Variants in NUTM2F observed in about 807,000 individuals in gnomAD.
NUTM2F encodes family with sequence similarity 22, member F.
A neutral mutation model predicts 43.3 loss-of-function variants in NUTM2F; 22 were observed. The observed-to-expected ratio is 0.51, with a 90% CI of 0.36 to 0.73. The LOEUF (loss-of-function observed/expected upper bound fraction) is 0.73. Among genes scored for constraint, NUTM2F ranks in the 30% least tolerant of loss-of-function variants. NUTM2F has a pLI of 0.00. For synonymous variants in NUTM2F, 202 were observed against 389.0 expected (o/e 0.52, Z 5.66); for missense variants, 488 against 927.4 (o/e 0.53, Z 6.15).
chr9:94,322,516 G>A (rs1831390420), intron 2 of NUTM2F, among the ~76,000 whole-genome samples, 187 bp from the exon 3 acceptor site: 1 of 152,202 alleles, frequency 6.6e-6, no homozygotes, highest in Admixed American at 6.5e-5. Flanking sequence ...AGAAGCCACT[G>A]AGTGGCCTCT....
intron 2 of NUTM2F, among the ~76,000 whole-genome samples, chr9:94,324,828 G>A (rs905487047): frequency 4.0e-5 from 6 of 150,576 alleles, no homozygotes; most frequent in African/African-American, 7.4e-5. Context: ...CCATCTCTAC[G>A]AATACAAAAT....
At chr9:94,323,848 G>A (rs1399831020) in intron 2 of NUTM2F, among the ~76,000 whole-genome samples, 4 of 152,116 alleles carry the variant, frequency 2.6e-5, no homozygotes, top group Non-Finnish European at 2.9e-5. Context: ...TAACTGGACC[G>A]CGGCAGAACA....
intron 2 of NUTM2F, among the ~76,000 whole-genome samples, 176 bp from the exon 3 acceptor site, chr9:94,322,505 T>C (rs537760069): frequency 1.2e-4 from 18 of 152,282 alleles, no homozygotes; most frequent in East Asian, 5.8e-4. Flanking sequence ...CCAACATCAA[T>C]AGAAGCCACT....
intron 2 of NUTM2F, among the ~76,000 whole-genome samples, chr9:94,323,857 C>T (rs1188758615): frequency 6.6e-6 from 1 of 150,614 alleles, no homozygotes; most frequent in African/African-American, 2.5e-5. Flanking sequence ...CGCGGCAGAA[C>T]AGTGTGGGTG....
Position 94,320,169 on chromosome 9 carries a change from CT to C in NUTM2F, c.1368+38del. The C allele has an allele frequency of 6.3e-7, 1 of 1,591,592 alleles. No individual in the cohort carries two copies. On this transcript the variant is annotated intron_variant, in intron 5 of 6. Coordinates refer to ENST00000253262, the MANE Select transcript of NUTM2F (RefSeq NM_017561.2). This position sits in a 1 kb window ranked among gnomAD's most constrained non-coding sequence, Gnocchi z 4.5. ...TCCAAGGACCTGGAAGTGCCACCCC[CT>C]GGAATCCTACAGACCACAGCACTCC... is the stretch of plus-strand genomic sequence containing the variant.
intron 2 of NUTM2F, among the ~76,000 whole-genome samples, chr9:94,323,722 A>G (rs1472553275): frequency 6.6e-6 from 1 of 152,152 alleles, no homozygotes; most frequent in Admixed American, 6.5e-5. Context: ...TGAATGAAAC[A>G]CCATTGTCCT....
At chr9:94,327,386 G>A (rs983982349) in intron 1 of NUTM2F, among the ~76,000 whole-genome samples, 8 of 149,454 alleles carry the variant, frequency 5.4e-5, no homozygotes, top group Non-Finnish European at 8.9e-5. Flanking sequence ...ACAGGCGTGA[G>A]CCACCGCGCC....
intron 5 of NUTM2F, among the ~76,000 whole-genome samples, chr9:94,319,969 C>T (rs1275344153): frequency 6.6e-6 from 1 of 152,068 alleles, no homozygotes; most frequent in African/African-American, 2.4e-5. Context: ...CAGGAAAAGA[C>T]AGACACAGGT....
At chr9:94,322,180 C>A (rs748791148) in intron 3 of NUTM2F, 21 bp downstream of exon 3, 30 of 1,611,846 alleles carry the variant, frequency 1.9e-5, no homozygotes, top group Non-Finnish European at 2.1e-5. Flanking sequence ...ACGGGCCCTG[C>A]CCCCAGGACC....
chr9:94,323,775 C>T (rs910749198), intron 2 of NUTM2F, among the ~76,000 whole-genome samples: 81 of 152,264 alleles, frequency 5.3e-4, no homozygotes, highest in African/African-American at 1.8e-3. Flanking sequence ...AATACCTGCC[C>T]AGCATCGACC....
intron 1 of NUTM2F, 30 bp from the exon 2 acceptor site, chr9:94,325,964 G>C (rs772451881): frequency 1.2e-6 from 2 of 1,609,324 alleles, no homozygotes; most frequent in Non-Finnish European, 8.5e-7. Context: ...AGGTGAATGA[G>C]CTGGCGTCTC....
At chr9:94,323,469 T>A (rs1309342308) in intron 2 of NUTM2F, among the ~76,000 whole-genome samples, 1 of 152,118 alleles carries the variant, frequency 6.6e-6, no homozygotes, top group Non-Finnish European at 1.5e-5. Context: ...CTCTCCCAGA[T>A]GCTGATGTTG....
Position 94,320,651 on chromosome 9 carries a change from A to T in NUTM2F, c.983-58T>A. ...GAGGGCCGCTCCTCCTGCCTGCACC[A>T]CACAGGGGAGGGCAGGGCTTGGGGA... is the stretch of plus-strand genomic sequence containing the variant. On this transcript the variant is annotated intron_variant, in intron 4 of 6. Coordinates refer to ENST00000253262, the MANE Select transcript of NUTM2F (RefSeq NM_017561.2). This position sits in a 1 kb window ranked among gnomAD's most constrained non-coding sequence, Gnocchi z 4.5. 1 of 1,488,826 alleles carries T rather than the reference A, an allele frequency of 6.7e-7. No individual in the cohort carries two copies. Among genetic ancestry groups the T allele is most frequent in the Non-Finnish European group, 9.0e-7 (1 of 1,108,936 alleles). 92.2% of individuals were successfully genotyped at this position (1,488,826 alleles called of 1,614,324 possible). A position where few individuals can be genotyped will look rare whatever the true frequency, so the allele number is the denominator to read the frequency against.
Position 94,318,690 on chromosome 9 carries a change from C to A in NUTM2F, c.2046G>T (p.Gln682His), listed in dbSNP as rs200683951. The change falls in exon 7 of 7, where the codon CAG (glutamine) becomes CAT (histidine). Residue 682 changes from glutamine to histidine, a missense_variant. Coordinates refer to ENST00000253262, the MANE Select transcript of NUTM2F (RefSeq NM_017561.2). ...PQGALQSPSAQKRGLSPSPSP... is the reference protein window; with the variant it reads ...PQGALQSPSAHKRGLSPSPSP... ...AAGGTGATGGGCTGAGGCCTCTTTTCTGAGCAGATGGAGACTGAAGAGCTC... is the reference window on the plus strand; with the variant it reads ...AAGGTGATGGGCTGAGGCCTCTTTTATGAGCAGATGGAGACTGAAGAGCTC... The A allele has an allele frequency of 3.8e-4, 611 of 1,603,436 alleles. 1 individual carries two copies. Among genetic ancestry groups the A allele is most frequent in the South Asian group, 5.5e-4 (49 of 89,866 alleles).
intron 1 of NUTM2F, among the ~76,000 whole-genome samples, chr9:94,326,968 G>A (rs1483554686): frequency 6.7e-6 from 1 of 150,362 alleles, no homozygotes; most frequent in Non-Finnish European, 1.5e-5. Context: ...CCAGGGAGCA[G>A]ATCTGAGAAG....
chr9:94,322,613 G>T (rs1211104077), intron 2 of NUTM2F, among the ~76,000 whole-genome samples: 1 of 152,222 alleles, frequency 6.6e-6, no homozygotes, highest in Non-Finnish European at 1.5e-5. Flanking sequence ...CAACATTCCT[G>T]TGCTGAAGCC....
chr9:94,326,537 G>A (rs1227302769), intron 1 of NUTM2F, among the ~76,000 whole-genome samples: 2 of 152,106 alleles, frequency 1.3e-5, no homozygotes, highest in African/African-American at 4.8e-5. Context: ...GATCACCTGA[G>A]GTCAGGAGTT....
rs1318446811 is a variant in NUTM2F, at chr9:94,322,328, G to A, written c.715C>T (p.Pro239Ser). The A allele has an allele frequency of 6.8e-6, 11 of 1,611,744 alleles. No individual in the cohort carries two copies. The highest frequency in any genetic ancestry group is 1.3e-5 in the African/African-American group (1 of 74,794). Reference sequence around the variant, plus strand: ...CGCCGGGCCAGGGATCGGAGAACTGGGCTGTAAACCAGTGCAGTCAGTCCC... The same window carrying A: ...CGCCGGGCCAGGGATCGGAGAACTGAGCTGTAAACCAGTGCAGTCAGTCCC... Reference protein sequence around the residue: ...DTEALSCFLIPVLRSLARRKP... With the variant: ...DTEALSCFLISVLRSLARRKP... The change falls in exon 3 of 7, where the codon CCA becomes TCA. Residue 239 changes from proline to serine, a missense_variant and splice_region_variant. Pro to Ser is a moderately conservative substitution (Grantham distance 74, BLOSUM62 -1). Coordinates refer to ENST00000253262, the MANE Select transcript of NUTM2F (RefSeq NM_017561.2).
chr9:94,320,441 G>T lies in NUTM2F; in HGVS notation c.1135C>A (p.Gln379Lys). The T allele has an allele frequency of 6.2e-7, 1 of 1,603,766 alleles. No individual in the cohort carries two copies. Among genetic ancestry groups the T allele is most frequent in the Non-Finnish European group, 8.5e-7 (1 of 1,174,668 alleles). The change falls in exon 5 of 7, where the codon CAG becomes AAG. Residue 379 changes from glutamine to lysine, a missense_variant. Transcript: ENST00000253262. The surrounding 1 kb of genome is among the most constrained non-coding windows in gnomAD (Gnocchi z 4.5). ...GGGACCTTGGTCTCCGCTGGCCTCT[G>T]GGGCCTGGGTGGTGGCAGGTGGGCG... ...TNAHLPPPRPQRPAETKVPEE... is the reference protein window; with the variant it reads ...TNAHLPPPRPKRPAETKVPEE...
Sources: allele counts gnomAD v4.1 joint callset (sites outside exome capture counted in the v4.1 genomes callset), GRCh38; gene constraint gnomAD v4.1.1; non-coding constraint Gnocchi (gnomAD v3.1); transcripts MANE v1.5; gene names NCBI Gene and HGNC (gene_info 2026-07-23, HGNC 2026-07-21).